The following SCN7A variants were observed in gnomAD, a reference collection of about 807,000 sequenced individuals.
SCN7A encodes sodium voltage-gated channel alpha subunit 7.
SCN7A carries 138 observed loss-of-function variants against 155.2 expected under a neutral mutation model. The ratio of observed to expected loss-of-function variants is 0.89; its 90% CI spans 0.77 to 1.02. The LOEUF (loss-of-function observed/expected upper bound fraction) is 1.02, where lower values mean the gene tolerates loss of function less well. Among genes scored for constraint, SCN7A ranks in the 50% least tolerant of loss-of-function variants. The pLI is 0.00. For synonymous variants in SCN7A, 693 were observed against 649.0 expected, an observed-to-expected ratio of 1.07 and a Z score of -1.03; for missense variants, 2,058 against 1,986.6, an observed-to-expected ratio of 1.04 and a Z score of -0.68.
At chr2:166,414,981 ATAT>A (rs1266133003) in intron 21 of SCN7A, among the ~76,000 whole-genome samples, 1 of 118,008 alleles carries the variant, frequency 8.5e-6, no homozygotes, top group African/African-American at 3.5e-5. Flanking sequence ...TATATAATAT[ATAT>A]TATTATATAG....
intron 21 of SCN7A, 125 bp from the exon 22 acceptor site, chr2:166,413,246 G>GCT: frequency 2.2e-6 from 1 of 460,488 alleles, no homozygotes; most frequent in Non-Finnish European, 3.9e-6. Flanking sequence ...CTGTGTAATT[G>GCT]GGATCCTTAA....
In SCN7A at chr2:166,444,635, C is replaced by T. The variant is rs1411465792; in HGVS notation, c.1626+127G>A. 19 of 620,572 alleles carry T rather than the reference C, an allele frequency of 3.1e-5. No homozygotes were observed. The Admixed American group carries it at 5.3e-4, about 17-fold the overall frequency. 38.4% of individuals were successfully genotyped at this position (620,572 alleles called of 1,614,324 possible). On this transcript the variant is annotated intron_variant, in intron 13 of 25. Transcript: ENST00000643258. Reference sequence around the variant, plus strand: ...TAAAGCATAAACACAATGCTTCATTCAATAATAATGCATATTGCAACATAT... The same window carrying T: ...TAAAGCATAAACACAATGCTTCATTTAATAATAATGCATATTGCAACATAT...
At chr2:166,479,459 A>C (rs1038192279) in intron 2 of SCN7A, among the ~76,000 whole-genome samples, 1 of 152,170 alleles carries the variant, frequency 6.6e-6, no homozygotes, top group Middle Eastern at 3.2e-3. Flanking sequence ...GAAAATAAAA[A>C]TGAGAAGTAA....
At position 166,465,873 on chromosome 2, in the gene SCN7A, A is replaced by T; in HGVS notation, c.779T>A (p.Met260Lys). ...AAAACATTTATGTTTCAAGTTGCCC[A>T]TGAAGAGCCCCATCCCAATTAGAGA... Reference protein sequence around the residue: ...IFSLIGMGLFMGNLKHKCFRW... With the variant: ...IFSLIGMGLFKGNLKHKCFRW... The change falls in exon 8 of 26, where the codon ATG (methionine) becomes AAG (lysine). Residue 260 changes from methionine to lysine, a missense_variant. Transcript: ENST00000643258. The T allele has an allele frequency of 3.7e-6, 6 of 1,613,950 alleles. No individual in the cohort carries two copies. The highest frequency in any genetic ancestry group is 5.1e-6 in the Non-Finnish European group (6 of 1,179,846).
At chr2:166,429,410 C>T (rs1701687119) in intron 16 of SCN7A, 136 bp from the exon 17 acceptor site, 1 of 600,798 alleles carries the variant, frequency 1.7e-6, no homozygotes, top group Admixed American at 3.5e-5. Flanking sequence ...GACTTAAGGC[C>T]AATTTCATGA....
intron 18 of SCN7A, among the ~76,000 whole-genome samples, chr2:166,427,572 AAATCAAT>A (rs1701649929): frequency 6.6e-6 from 1 of 152,064 alleles, no homozygotes; most frequent in African/African-American, 2.4e-5. Flanking sequence ...AATATATTAA[AAATCAAT>A]ATTAAATTTA....
intron 19 of SCN7A, 43 bp from the exon 20 acceptor site, chr2:166,421,340 TAATC>T: frequency 9.3e-7 from 1 of 1,074,162 alleles, no homozygotes; most frequent in Non-Finnish European, 1.3e-6. Flanking sequence ...GATTCCATAT[TAATC>T]AAAATAACAT....
intron 11 of SCN7A, among the ~76,000 whole-genome samples, chr2:166,454,298 G>A (rs1702233036): frequency 6.6e-6 from 1 of 152,004 alleles, no homozygotes; most frequent in Non-Finnish European, 1.5e-5. Context: ...GTTTTTCTGT[G>A]GCTTACTCAT....
chr2:166,444,469 G>A (rs1398915345), intron 13 of SCN7A, among the ~76,000 whole-genome samples: 1 of 152,146 alleles, frequency 6.6e-6, no homozygotes, highest in Non-Finnish European at 1.5e-5. Context: ...TATTTGGGAA[G>A]GGAGGGGCAA....
intron 17 of SCN7A, among the ~76,000 whole-genome samples, chr2:166,428,743 TGTGA>T (rs1328594195): frequency 2.0e-5 from 3 of 152,102 alleles, no homozygotes; most frequent in Admixed American, 1.3e-4. Flanking sequence ...TTTTTCATGC[TGTGA>T]GTAATATTGG....
intron 23 of SCN7A, 138 bp downstream of exon 23, chr2:166,412,392 G>A: frequency 9.7e-7 from 1 of 1,030,652 alleles, no homozygotes. Flanking sequence ...CATTAATCAT[G>A]ATTTTTTAAG....
At chr2:166,473,982 C>A in intron 4 of SCN7A, 94 bp from the exon 5 acceptor site, 2 of 661,452 alleles carry the variant, frequency 3.0e-6, no homozygotes, top group South Asian at 5.4e-5. Context: ...AAATATTAAT[C>A]TTATTGAACA....
intron 7 of SCN7A, 58 bp from the exon 8 acceptor site, chr2:166,466,045 G>T: frequency 7.9e-7 from 1 of 1,260,362 alleles, no homozygotes; most frequent in Non-Finnish European, 1.1e-6. Context: ...AGCACTATTG[G>T]CAAACCTCTC....
At chr2:166,439,327 G>T (rs145639348) in intron 15 of SCN7A, among the ~76,000 whole-genome samples, 42 of 152,052 alleles carry the variant, frequency 2.8e-4, no homozygotes, top group South Asian at 4.1e-4. Context: ...GATTAGTTAA[G>T]AATGGGCATG....
chr2:166,421,084 A>C, intron 20 of SCN7A, 106 bp downstream of exon 20: 1 of 683,720 alleles, frequency 1.5e-6, no homozygotes, highest in Non-Finnish European at 2.5e-6. Context: ...TGTTGTATTA[A>C]TACTGTTAAA....
chr2:166,460,505 G>T (rs905778518), intron 10 of SCN7A, among the ~76,000 whole-genome samples: 4 of 151,954 alleles, frequency 2.6e-5, no homozygotes, highest in African/African-American at 9.7e-5. Context: ...GAAAATAACC[G>T]GACAAGCAAC....
At chr2:166,442,679 A>T (rs1701985802) in intron 14 of SCN7A, among the ~76,000 whole-genome samples, 1 of 152,104 alleles carries the variant, frequency 6.6e-6, no homozygotes, top group Non-Finnish European at 1.5e-5. Flanking sequence ...GAGATCTTAC[A>T]TTTATCTATG....
intron 1 of SCN7A, among the ~76,000 whole-genome samples, chr2:166,489,921 C>T (rs1559133195): frequency 1.3e-5 from 2 of 151,634 alleles, no homozygotes; most frequent in Admixed American, 6.6e-5. Context: ...ATATGCACTG[C>T]CATTTTAAAA....
intron 6 of SCN7A, among the ~76,000 whole-genome samples, chr2:166,471,739 G>T (rs1484356420): frequency 1.3e-5 from 2 of 150,062 alleles, no homozygotes; most frequent in African/African-American, 4.9e-5. Flanking sequence ...GGGGGGGGTG[G>T]TGTTTAAGAT....
Sources: allele counts gnomAD v4.1 joint callset (sites outside exome capture counted in the v4.1 genomes callset), GRCh38; gene constraint gnomAD v4.1.1; transcripts MANE v1.5; gene names NCBI Gene and HGNC (gene_info 2026-07-23, HGNC 2026-07-21).